The following TLL1 variants were observed in gnomAD, a reference collection of about 807,000 sequenced individuals.
TLL1 encodes tolloid like 1.
A neutral mutation model predicts 128.2 loss-of-function variants in TLL1; 49 were observed. That is an observed-to-expected ratio of 0.38 (90% CI 0.30 to 0.48). TLL1 has a LOEUF of 0.48. TLL1 is among the 20% of genes least tolerant of loss of function. The pLI is 0.96. For missense variants in TLL1, 1,123 were observed against 1,242.0 expected, an observed-to-expected ratio of 0.90 and a Z score of 1.44; for synonymous variants, 454 against 418.8, an observed-to-expected ratio of 1.08 and a Z score of -1.03.
chr4:166,067,003 C>T (rs996303321), intron 16 of TLL1, among the ~76,000 whole-genome samples: 1 of 151,672 alleles, frequency 6.6e-6, no homozygotes, highest in Non-Finnish European at 1.5e-5. Flanking sequence ...TATCTTAAAG[C>T]TATCTAAATA....
At chr4:165,994,997 A>G in intron 4 of TLL1, 64 bp from the exon 5 acceptor site, 1 of 1,313,818 alleles carries the variant, frequency 7.6e-7, no homozygotes, top group African/African-American at 1.4e-5. Context: ...AGGGTAGAGG[A>G]TGCAGCAAGA....
intron 17 of TLL1, among the ~76,000 whole-genome samples, chr4:166,076,702 C>T (rs528328964): frequency 6.6e-6 from 1 of 152,256 alleles, no homozygotes; most frequent in East Asian, 1.9e-4. Context: ...GAGGCAGAGA[C>T]AGGGACAATG....
rs972549970 is a variant in TLL1 at position 166,102,311 on chromosome 4, A to G, written c.*1435A>G. The G allele has an allele frequency of 1.3e-5, 2 of 152,422 alleles. No individual in the cohort carries two copies. The highest frequency in any genetic ancestry group is 2.9e-5 in the Non-Finnish European group (2 of 67,954). 9.4% of individuals were successfully genotyped at this position (152,422 alleles called of 1,614,324 possible). ...GTCCTGCTTTTTTTGTAGAAAATGT[A>G]ATTTGAGGATGAATTTTCTGCTTTA... On this transcript the variant is annotated 3_prime_UTR_variant, in exon 21 of 21. Coordinates refer to ENST00000061240, the MANE Select transcript of TLL1 (RefSeq NM_012464.5).
Position 166,060,138 on chromosome 4 carries a change from C to G in TLL1, c.1957C>G (p.Gln653Glu). 6.2e-7 allele frequency: 1 copy of G among 1,613,586 alleles called. No homozygotes were observed. Among genetic ancestry groups the G allele is most frequent in the Non-Finnish European group, 8.5e-7 (1 of 1,179,864 alleles). ...NCVWQVVAPT[Q>E]YRISVKFEFF... ...TGTGTGGCAAGTGGTTGCACCAACCCAGTACAGAATTTCTGTGAAGTTTGA... is the reference window on the plus strand; with the variant it reads ...TGTGTGGCAAGTGGTTGCACCAACCGAGTACAGAATTTCTGTGAAGTTTGA... Residue 653 changes from glutamine to glutamate, a missense_variant, in exon 15 of 21, where the codon CAG becomes GAG. Coordinates refer to ENST00000061240, the MANE Select transcript of TLL1 (RefSeq NM_012464.5).
intron 1 of TLL1, among the ~76,000 whole-genome samples, chr4:165,893,769 T>C (rs1429180277): frequency 1.3e-5 from 2 of 151,448 alleles, no homozygotes; most frequent in Non-Finnish European, 2.9e-5. Flanking sequence ...ACATAGAATA[T>C]TGAGAAGAGT....
chr4:165,980,906 T>A (rs1736120808), intron 1 of TLL1, among the ~76,000 whole-genome samples: 1 of 152,112 alleles, frequency 6.6e-6, no homozygotes, highest in Admixed American at 6.6e-5. Flanking sequence ...AATAAAATGT[T>A]TTAAACAGTT....
At position 165,934,795 on chromosome 4, in the gene TLL1, A is replaced by T. The variant is rs139296523; in HGVS notation, c.170-54586A>T. On this transcript the variant is annotated intron_variant, in intron 1 of 20. Transcript: ENST00000061240. ...GATACATTTTAACATGTTTGTCACA[A>T]TGGCCGTAGGATTCCATAATAAAAA... Among the ~76,000 whole-genome samples, 482 of 152,304 alleles carry T rather than the reference A, an allele frequency of 3.2e-3. 5 individuals are homozygous for T. Among genetic ancestry groups the T allele is most frequent in the African/African-American group, 0.011 (437 of 41,566 alleles).
intron 19 of TLL1, among the ~76,000 whole-genome samples, chr4:166,098,589 T>C (rs1021368726): frequency 1.3e-5 from 2 of 152,038 alleles, no homozygotes; most frequent in Non-Finnish European, 1.5e-5. Flanking sequence ...ACACAGGCTA[T>C]TGTTGGATAG....
chr4:166,048,066 G>A (rs547822233), intron 12 of TLL1, among the ~76,000 whole-genome samples: 7 of 151,960 alleles, frequency 4.6e-5, no homozygotes, highest in Non-Finnish European at 7.4e-5. Flanking sequence ...GTGAAACCCC[G>A]TCTCTACTAG....
At chr4:166,084,947 G>T (rs965558585) in intron 18 of TLL1, among the ~76,000 whole-genome samples, 1 of 151,094 alleles carries the variant, frequency 6.6e-6, no homozygotes, top group African/African-American at 2.4e-5. Context: ...AATGTTATTT[G>T]TGTTTTCTTT....
rs1476203303 is a variant in TLL1, at chr4:166,043,357, T to A, written c.1462T>A (p.Cys488Ser). Residue 488 changes from cysteine (C) to serine (S), a missense_variant, in exon 12 of 21, where the codon TGT (cysteine) becomes AGT (serine). Coordinates refer to ENST00000061240, the MANE Select transcript of TLL1 (RefSeq NM_012464.5). ...YPDDYRPMKE[C>S]VWKITVSESY... ...TGATGACTATCGCCCGATGAAAGAATGTGTGTGGAAAATAACAGTGTCTGA... is the reference window on the plus strand; with the variant it reads ...TGATGACTATCGCCCGATGAAAGAAAGTGTGTGGAAAATAACAGTGTCTGA... 1 of 1,614,130 alleles carries A rather than the reference T, an allele frequency of 6.2e-7. No individual in the cohort carries two copies.
At chr4:166,048,606 G>A (rs1287168163) in intron 12 of TLL1, among the ~76,000 whole-genome samples, 1 of 152,134 alleles carries the variant, frequency 6.6e-6, no homozygotes, top group Non-Finnish European at 1.5e-5. Flanking sequence ...GAAGCTTCTA[G>A]TACTATTATT....
chr4:165,921,969 T>A (rs1328999244), intron 1 of TLL1, among the ~76,000 whole-genome samples: 2 of 152,132 alleles, frequency 1.3e-5, no homozygotes, highest in Non-Finnish European at 2.9e-5. Flanking sequence ...AATTATATAA[T>A]GAAAATGGCA....
At chr4:166,094,374 T>A (rs1741923045) in intron 19 of TLL1, among the ~76,000 whole-genome samples, 1 of 152,190 alleles carries the variant, frequency 6.6e-6, no homozygotes. Context: ...AATATAAAAC[T>A]GTCATTCTTA....
At chr4:165,940,882 G>A (rs974958830) in intron 1 of TLL1, among the ~76,000 whole-genome samples, 2 of 151,924 alleles carry the variant, frequency 1.3e-5, no homozygotes, top group Admixed American at 6.6e-5. Context: ...CACCATTTTG[G>A]GGGCTATTTC....
chr4:166,095,752 C>T (rs921961600), intron 19 of TLL1, among the ~76,000 whole-genome samples: 1 of 152,074 alleles, frequency 6.6e-6, no homozygotes, highest in Admixed American at 6.6e-5. Flanking sequence ...CTAGGCTTCT[C>T]TTCCCTTCTT....
In TLL1 at chr4:165,874,207, C is replaced by T. The variant is rs1730621867; in HGVS notation, c.169+134C>T. ...CTCCGCCGCCCCTCCTTCTCTCCCC[C>T]TCCTTTTCCTTCCCTTCCCCACCCG... On this transcript the variant is annotated intron_variant, in intron 1 of 20. Coordinates refer to ENST00000061240, the MANE Select transcript of TLL1 (RefSeq NM_012464.5). The T allele has an allele frequency of 2.5e-5, 28 of 1,113,286 alleles. No homozygotes were observed. In the South Asian group the frequency reaches 3.5e-4, roughly 14 times the overall value. 69.0% of individuals were successfully genotyped at this position (1,113,286 alleles called of 1,614,324 possible).
intron 1 of TLL1, among the ~76,000 whole-genome samples, chr4:165,936,793 C>T (rs949603245): frequency 5.3e-5 from 8 of 151,946 alleles, no homozygotes; most frequent in Admixed American, 1.3e-4. Context: ...ATTGGCTGGG[C>T]ATGGTGGCAG....
chr4:165,927,607 A>G (rs1175232081), intron 1 of TLL1, among the ~76,000 whole-genome samples: 1 of 152,206 alleles, frequency 6.6e-6, no homozygotes, highest in Non-Finnish European at 1.5e-5. Context: ...GCTTGAAGTA[A>G]TGTAGAAGAT....
Sources: allele counts gnomAD v4.1 joint callset (sites outside exome capture counted in the v4.1 genomes callset), GRCh38; gene constraint gnomAD v4.1.1; transcripts MANE v1.5; gene names NCBI Gene and HGNC (gene_info 2026-07-23, HGNC 2026-07-21).